The following NALF1 variants were observed in gnomAD, a reference collection of about 807,000 sequenced individuals.
NALF1 encodes family with sequence similarity 155 member A.
Under a neutral mutation model 48.4 loss-of-function variants are expected in NALF1, and 3 were observed. The observed-to-expected ratio is 0.06, with a 90% CI of 0.03 to 0.16. The LOEUF is 0.16. NALF1 is among the 10% of genes least tolerant of loss of function. The probability of loss-of-function intolerance (pLI) is 1.00; values close to 1 mark genes in which losing one functional copy is unlikely to be tolerated. For synonymous variants in NALF1, 262 were observed against 245.7 expected, an observed-to-expected ratio of 1.07 and a Z score of -0.62; for missense variants, 526 against 571.5, an observed-to-expected ratio of 0.92 and a Z score of 0.81.
At chr13:107,709,693 T>C (rs748012938) in intron 1 of NALF1, among the ~76,000 whole-genome samples, 9 of 152,226 alleles carry the variant, frequency 5.9e-5, no homozygotes, top group Non-Finnish European at 1.0e-4. Context: ...AGTCTCAACA[T>C]GCATATGGAT....
chr13:107,428,365 G>A (rs554227614), intron 1 of NALF1, among the ~76,000 whole-genome samples: 18 of 152,324 alleles, frequency 1.2e-4, no homozygotes, highest in African/African-American at 4.3e-4. Context: ...TCTAGACCCA[G>A]CATTTGGGAG....
intron 1 of NALF1, among the ~76,000 whole-genome samples, chr13:107,584,187 G>T (rs1453710052): frequency 6.6e-6 from 1 of 152,050 alleles, no homozygotes; most frequent in Non-Finnish European, 1.5e-5. Flanking sequence ...TGAACATAGG[G>T]AAAAGGAAAT....
intron 1 of NALF1, among the ~76,000 whole-genome samples, chr13:107,357,113 C>T (rs1311857559): frequency 2.0e-5 from 3 of 152,120 alleles, no homozygotes; most frequent in Non-Finnish European, 1.5e-5. Flanking sequence ...TCCATTTTTA[C>T]ACTGCTATAA....
In NALF1 at chr13:107,528,863, T is replaced by C. The variant is rs150604408; in HGVS notation, c.916-318108A>G. Reference sequence around the variant, plus strand: ...AAGAACCAAAGAGACCAAATACTGCTACCAAATAACCAAAGAAACAAAAGC... The same window carrying C: ...AAGAACCAAAGAGACCAAATACTGCCACCAAATAACCAAAGAAACAAAAGC... On this transcript the variant is annotated intron_variant, in intron 1 of 2. Transcript: ENST00000375915. 2.5e-3 allele frequency among the ~76,000 whole-genome samples: 388 copies of C among 152,236 alleles called. 10 individuals carry two copies. Among genetic ancestry groups the C allele is most frequent in the African/African-American group, 8.9e-3 (368 of 41,550 alleles).
Position 107,524,377 on chromosome 13 carries a change from A to C in NALF1, c.916-313622T>G, listed in dbSNP as rs143700466. ...GAGCTACTTCTTTGATTATTCGAGAAGTCATTAAAATTAATGTAATTTTTC... is the reference window on the plus strand; with the variant it reads ...GAGCTACTTCTTTGATTATTCGAGACGTCATTAAAATTAATGTAATTTTTC... On this transcript the variant is annotated intron_variant, in intron 1 of 2. Transcript: ENST00000375915. 1.6e-3 allele frequency among the ~76,000 whole-genome samples: 242 copies of C among 152,266 alleles called. 6 individuals carry two copies. In the East Asian group the frequency reaches 0.037, roughly 23 times the overall value.
intron 1 of NALF1, among the ~76,000 whole-genome samples, chr13:107,697,412 T>C (rs1288146218): frequency 2.0e-5 from 3 of 152,168 alleles, no homozygotes; most frequent in Non-Finnish European, 4.4e-5. Context: ...AAAACATTAA[T>C]TTGAAATCTT....
chr13:107,262,517 C>A (rs943156726), intron 1 of NALF1, among the ~76,000 whole-genome samples: 1 of 152,166 alleles, frequency 6.6e-6, no homozygotes, highest in East Asian at 1.9e-4. Context: ...GTCATCTCCA[C>A]GTATCTGTTT....
At chr13:107,825,021 GTTAGT>G (rs1397451315) in intron 1 of NALF1, among the ~76,000 whole-genome samples, 1 of 152,106 alleles carries the variant, frequency 6.6e-6, no homozygotes, top group Non-Finnish European at 1.5e-5. Flanking sequence ...TTAGTTACTT[GTTAGT>G]TTATATTCCA....
At chr13:107,216,207 T>TA (rs1443097784) in intron 1 of NALF1, among the ~76,000 whole-genome samples, 1 of 152,222 alleles carries the variant, frequency 6.6e-6, no homozygotes, top group African/African-American at 2.4e-5. Context: ...AATAATTGGT[T>TA]ATGTAAGCAT....
chr13:107,232,693 T>G (rs534848305), intron 1 of NALF1, among the ~76,000 whole-genome samples: 109 of 152,332 alleles, frequency 7.2e-4, no homozygotes, highest in Middle Eastern at 3.4e-3. Flanking sequence ...TTGCTTGGGC[T>G]GGATGCGGAA....
In NALF1 at chr13:107,769,227, A is replaced by G. The variant is rs200259180; in HGVS notation, c.915+96455T>C. ...AGGACTATAAATCATGCTGCTATAA[A>G]GACACATGCACACGTATGTTTACTG... On this transcript the variant is annotated intron_variant, in intron 1 of 2. Coordinates refer to ENST00000375915, the MANE Select transcript of NALF1 (RefSeq NM_001080396.3). Among the ~76,000 whole-genome samples, 1,265 of 144,370 alleles carry G rather than the reference A, an allele frequency of 8.8e-3. 28 individuals carry two copies. In the East Asian group the frequency reaches 0.13, roughly 15 times the overall value. 94.7% of individuals were successfully genotyped at this position (144,370 alleles called of 152,430 possible). A position where few individuals can be genotyped will look rare whatever the true frequency, so the allele number is the denominator to read the frequency against.
chr13:107,449,834 C>T (rs9514688), intron 1 of NALF1, among the ~76,000 whole-genome samples: 99,026 of 151,966 alleles, frequency 0.65, 33,457 homozygotes, highest in Middle Eastern at 0.8. Flanking sequence ...TTATCAACAT[C>T]ATTCCAAATT....
At chr13:107,447,306 T>A (rs538939703) in intron 1 of NALF1, among the ~76,000 whole-genome samples, 18 of 152,180 alleles carry the variant, frequency 1.2e-4, no homozygotes, top group Non-Finnish European at 2.2e-4. Context: ...GCTGATTTTG[T>A]CCTGCCTTGG....
chr13:107,636,203 C>T (rs1161775181), intron 1 of NALF1, among the ~76,000 whole-genome samples: 2 of 152,194 alleles, frequency 1.3e-5, no homozygotes, highest in South Asian at 2.1e-4. Flanking sequence ...GAAGCAGAAG[C>T]TGTCACTACA....
intron 1 of NALF1, among the ~76,000 whole-genome samples, chr13:107,529,594 C>T (rs2139105759): frequency 6.6e-6 from 1 of 152,292 alleles, no homozygotes; most frequent in Middle Eastern, 3.4e-3. Context: ...AGATAAAAGG[C>T]CAGCAAGGCT....
chr13:107,728,538 T>TG (rs1483492421), intron 1 of NALF1, among the ~76,000 whole-genome samples: 1 of 123,084 alleles, frequency 8.1e-6, no homozygotes, highest in Non-Finnish European at 1.7e-5. Flanking sequence ...GTCAGGGGGT[T>TG]GGGGGAAAGG....
At chr13:107,620,821 G>T (rs1269309753) in intron 1 of NALF1, among the ~76,000 whole-genome samples, 4 of 152,186 alleles carry the variant, frequency 2.6e-5, no homozygotes, top group African/African-American at 9.7e-5. Flanking sequence ...TGCAGTGAGG[G>T]AATGAGGGAG....
chr13:107,541,204 A>G (rs1448751944), intron 1 of NALF1, among the ~76,000 whole-genome samples: 1 of 152,142 alleles, frequency 6.6e-6, no homozygotes, highest in Non-Finnish European at 1.5e-5. Flanking sequence ...TGTCTGTTTG[A>G]AAACACATTT....
Position 107,314,042 on chromosome 13 carries a change from A to C in NALF1, c.916-103287T>G, listed in dbSNP as rs1882096026. 1.3e-5 allele frequency among the ~76,000 whole-genome samples: 2 copies of C among 152,196 alleles called. 1 individual carries two copies. Among genetic ancestry groups the C allele is most frequent in the South Asian group, 4.1e-4 (2 of 4,830 alleles). ...GACCTGTCTCAGATACTTTTGGTTCACAATAACTACAACTTAAAATAACTT... is the reference window on the plus strand; with the variant it reads ...GACCTGTCTCAGATACTTTTGGTTCCCAATAACTACAACTTAAAATAACTT... On this transcript the variant is annotated intron_variant, in intron 1 of 2. Transcript: ENST00000375915.
Sources: gnomAD v4.1 joint callset for allele counts (sites outside exome capture counted in the v4.1 genomes callset) on GRCh38, gnomAD v4.1.1 for gene constraint, MANE v1.5 for transcripts, NCBI Gene and HGNC (gene_info 2026-07-23, HGNC 2026-07-21) for gene names.